Variants in CACNA1B observed in about 807,000 individuals in gnomAD.
The protein encoded by CACNA1B is voltage-dependent N-type calcium channel subunit alpha-1B.
In CACNA1B, 70 loss-of-function variants were observed where a neutral mutation model predicts 247.2. That is an observed-to-expected ratio of 0.28 (90% CI 0.23 to 0.35). The LOEUF is 0.35. CACNA1B is among the 10% of genes least tolerant of loss of function. CACNA1B has a pLI of 1.00. For missense variants in CACNA1B, 2,367 were observed against 3,197.4 expected (o/e 0.74, Z 6.26); for synonymous variants, 1,231 against 1,294.4 (o/e 0.95, Z 1.05).
chr9:138,088,959 C>CAAAAAAAAAAAAAAAAA, intron 36 of CACNA1B, among the ~76,000 whole-genome samples: 1 of 61,396 alleles, frequency 1.6e-5, no homozygotes, highest in Non-Finnish European at 3.4e-5. Context: ...AACTCCGTCT[C>CAAAAAAAAAAAAAAAAA]AAAAAAAAAA....
At chr9:138,034,449 G>GTTT (rs566090688) in intron 20 of CACNA1B, among the ~76,000 whole-genome samples, 2 of 135,186 alleles carry the variant, frequency 1.5e-5, no homozygotes, top group Non-Finnish European at 1.6e-5. Flanking sequence ...TAGGGTCATA[G>GTTT]TTTTTTTTTT....
At chr9:137,897,448 C>T (rs369810483) in intron 3 of CACNA1B, among the ~76,000 whole-genome samples, 135 of 152,016 alleles carry the variant, frequency 8.9e-4, no homozygotes, top group African/African-American at 3.1e-3. Context: ...GGCGTGGTGA[C>T]GGGCGCCTGT....
Position 137,879,360 on chromosome 9 carries a change from G to A in CACNA1B, c.390+201G>A, listed in dbSNP as rs75698978. Reference sequence around the variant, plus strand: ...TGGGGTCACCGGCTTAGCCCTGGGCGTGGCCACGTTAGCCCTGGGCCAGTC... The same window carrying A: ...TGGGGTCACCGGCTTAGCCCTGGGCATGGCCACGTTAGCCCTGGGCCAGTC... On this transcript the variant is annotated intron_variant, in intron 2 of 46. Transcript: ENST00000371372. Among the ~76,000 whole-genome samples, 889 of 152,376 alleles carry A rather than the reference G, an allele frequency of 5.8e-3. 8 individuals are homozygous for A. Among genetic ancestry groups the A allele is most frequent in the African/African-American group, 0.02 (832 of 41,588 alleles).
intron 25 of CACNA1B, 79 bp from the exon 26 acceptor site, chr9:138,053,767 C>G (rs1375172181): frequency 9.8e-7 from 1 of 1,020,572 alleles, no homozygotes; most frequent in African/African-American, 1.7e-5. Flanking sequence ...CTCCCCGTGA[C>G]CCTACCCTTC....
In CACNA1B at chr9:137,973,079, C is replaced by T. The variant is rs1378821452; in HGVS notation, c.1543+1487C>T. On this transcript the variant is annotated intron_variant, in intron 11 of 46. Coordinates refer to ENST00000371372, the MANE Select transcript of CACNA1B (RefSeq NM_000718.4). This position sits in a 1 kb window ranked among gnomAD's most constrained non-coding sequence, Gnocchi z 4.1. ...TTCCCCGTGAGAGGCTGTTGGTGTG[C>T]AGTGAGTCGGCAGGCAGTGGGGTAG... Among the ~76,000 whole-genome samples the T allele has an allele frequency of 6.6e-6, 1 of 152,212 alleles. No homozygotes were observed. Among genetic ancestry groups the T allele is most frequent in the East Asian group, 1.9e-4 (1 of 5,196 alleles).
intron 32 of CACNA1B, among the ~76,000 whole-genome samples, chr9:138,070,063 A>T (rs922793437): frequency 2.6e-5 from 4 of 152,118 alleles, no homozygotes; most frequent in Admixed American, 1.3e-4. Context: ...TGTCTAGGGT[A>T]GTTTTTCCTG....
Position 138,023,645 on chromosome 9 carries a change from G to A in CACNA1B, c.2902G>A (p.Glu968Lys). The change falls in exon 19 of 47, where the codon GAG becomes AAG. Residue 968 changes from glutamate (E) to lysine (K), a missense_variant. Physicochemically the swap from Glu to Lys is moderately conservative, Grantham distance 56. This residue lies in a region of CACNA1B where 631 missense variants were observed against 631.1 expected (regional missense o/e 1.00). Coordinates refer to ENST00000371372, the MANE Select transcript of CACNA1B (RefSeq NM_000718.4). ...CGGCGGCCCCCGAGCGGGGCCCCGG[G>A]AGGCGGAGAGCGGGGAGGAGCCGGC... is the stretch of plus-strand genomic sequence containing the variant. ...HRGGPRAGPR[E>K]AESGEEPARR... 1 of 1,416,470 alleles carries A rather than the reference G, an allele frequency of 7.1e-7. No individual in the cohort carries two copies. Among genetic ancestry groups the A allele is most frequent in the Non-Finnish European group, 9.3e-7 (1 of 1,078,216 alleles). The allele number at this position is 1,416,470 out of a possible 1,614,324, so 87.7% of individuals were successfully genotyped here.
Position 138,010,567 on chromosome 9 carries a change from G to C in CACNA1B, c.2160+490G>C, listed in dbSNP as rs1050871928. On this transcript the variant is annotated intron_variant, in intron 17 of 46. Coordinates refer to ENST00000371372, the MANE Select transcript of CACNA1B (RefSeq NM_000718.4). This position sits in a 1 kb window ranked among gnomAD's most constrained non-coding sequence, Gnocchi z 5.3. ...ATGCTCTCCCCAGCCCTGGACACTT[G>C]TAGTGTGGCCACCTGCCATCTCAGT... is the stretch of plus-strand genomic sequence containing the variant. Among the ~76,000 whole-genome samples, 2 of 152,296 alleles carry C rather than the reference G, an allele frequency of 1.3e-5. No homozygotes were observed. Among genetic ancestry groups the C allele is most frequent in the African/African-American group, 4.8e-5 (2 of 41,566 alleles).
intron 35 of CACNA1B, 29 bp from the exon 36 acceptor site, chr9:138,078,085 G>A (rs201131986): frequency 2.5e-6 from 4 of 1,609,344 alleles, no homozygotes; most frequent in East Asian, 4.5e-5. Flanking sequence ...GGGCCTCTGT[G>A]GGCCTCACAA....
intron 36 of CACNA1B, among the ~76,000 whole-genome samples, chr9:138,078,685 T>A (rs1160973355): frequency 6.6e-6 from 1 of 152,162 alleles, no homozygotes; most frequent in Non-Finnish European, 1.5e-5. Context: ...TCACAGCATC[T>A]GCTTGACGTT....
Position 138,059,805 on chromosome 9 carries a change from G to T in CACNA1B, c.4668+68G>T. The T allele has an allele frequency of 1.1e-6, 1 of 888,666 alleles. No individual in the cohort carries two copies. Among genetic ancestry groups the T allele is most frequent in the Non-Finnish European group, 1.9e-6 (1 of 524,060 alleles). 55.0% of individuals were successfully genotyped at this position (888,666 alleles called of 1,614,324 possible). ...TTCCTTCTAGAGCCTGCTCCCCTCAGTGCATCTCCAGGCCCTGTGTTAGCC... is the reference window on the plus strand; with the variant it reads ...TTCCTTCTAGAGCCTGCTCCCCTCATTGCATCTCCAGGCCCTGTGTTAGCC... On this transcript the variant is annotated intron_variant, in intron 31 of 46. Transcript: ENST00000371372. This position sits in a 1 kb window ranked among gnomAD's most constrained non-coding sequence, Gnocchi z 4.2.
Position 138,059,057 on chromosome 9 carries a change from A to C in CACNA1B, c.4474-22A>C. On this transcript the variant is annotated intron_variant, in intron 29 of 46. Transcript: ENST00000371372. This position sits in a 1 kb window ranked among gnomAD's most constrained non-coding sequence, Gnocchi z 4.2. ...CTTGGGGCTGCCAAACCCATGGCCAACAGTGCCTATTCCCCGGGCAGTTCT... is the reference window on the plus strand; with the variant it reads ...CTTGGGGCTGCCAAACCCATGGCCACCAGTGCCTATTCCCCGGGCAGTTCT... 4.7e-6 allele frequency: 7 copies of C among 1,478,818 alleles called. No homozygotes were observed. The highest frequency in any genetic ancestry group is 6.6e-6 in the Non-Finnish European group (7 of 1,059,172). 91.6% of individuals were successfully genotyped at this position (1,478,818 alleles called of 1,614,324 possible). A position where few individuals can be genotyped will look rare whatever the true frequency, so the allele number is the denominator to read the frequency against.
chr9:137,949,203 TCTG>T (rs1177445445), intron 6 of CACNA1B, among the ~76,000 whole-genome samples: 19 of 14,408 alleles, frequency 1.3e-3, no homozygotes, highest in African/African-American at 2.0e-3. Flanking sequence ...TGTATGTGTG[TCTG>T]GTATGTGTGG....
rs1213941005 is a variant in CACNA1B at position 137,957,377 on chromosome 9, GAA to G, written c.1244-219_1244-218del. On this transcript the variant is annotated intron_variant, in intron 9 of 46. Coordinates refer to ENST00000371372, the MANE Select transcript of CACNA1B (RefSeq NM_000718.4). The surrounding 1 kb of genome is among the most constrained non-coding windows in gnomAD (Gnocchi z 4.7). ...CACTGGCCTCATTTTGGAAGAAAGGGAAAGCGGGGACCCCTCACCCTCAAAAT... is the reference window on the plus strand; with the variant it reads ...CACTGGCCTCATTTTGGAAGAAAGGGAGCGGGGACCCCTCACCCTCAAAAT... Among the ~76,000 whole-genome samples the G allele has an allele frequency of 6.6e-6, 1 of 152,230 alleles. No individual in the cohort carries two copies. Among genetic ancestry groups the G allele is most frequent in the African/African-American group, 2.4e-5 (1 of 41,460 alleles).
intron 11 of CACNA1B, among the ~76,000 whole-genome samples, chr9:137,975,228 C>T (rs113736885): frequency 0.011 from 1,631 of 152,282 alleles, 10 homozygotes; most frequent in African/African-American, 0.013. Flanking sequence ...AGCCCCCCTC[C>T]ACTGCTGCTG....
chr9:137,941,675 G>T (rs1355642707), intron 6 of CACNA1B, among the ~76,000 whole-genome samples: 2 of 152,092 alleles, frequency 1.3e-5, no homozygotes. Context: ...TGACAGAATA[G>T]AGAACCCAGA....
intron 15 of CACNA1B, among the ~76,000 whole-genome samples, chr9:137,995,483 G>A (rs1958487784): frequency 6.6e-6 from 1 of 152,172 alleles, no homozygotes; most frequent in Admixed American, 6.5e-5. Flanking sequence ...CAAGCCACAG[G>A]TAGGAGAATG....
At position 137,880,076 on chromosome 9, in the gene CACNA1B, T is replaced by G. The variant is rs1444532283; in HGVS notation, c.390+917T>G. ...GCTCCCTCTTCCCTTAAGCCTGGCT[T>G]CCGCCCCCACTAGCATCCTGAGACA... On this transcript the variant is annotated intron_variant, in intron 2 of 46. Transcript: ENST00000371372. The surrounding 1 kb of genome is among the most constrained non-coding windows in gnomAD (Gnocchi z 4.8). Among the ~76,000 whole-genome samples the G allele has an allele frequency of 1.3e-5, 2 of 152,168 alleles. No individual in the cohort carries two copies. Among genetic ancestry groups the G allele is most frequent in the African/African-American group, 4.8e-5 (2 of 41,430 alleles).
chr9:137,904,735 G>T (rs1275104876), intron 3 of CACNA1B, among the ~76,000 whole-genome samples: 1 of 152,072 alleles, frequency 6.6e-6, no homozygotes. Context: ...TGCTGAGGCT[G>T]CTGGGAGATC....
Sources: allele counts gnomAD v4.1 joint callset (sites outside exome capture counted in the v4.1 genomes callset), GRCh38; gene constraint gnomAD v4.1.1; regional missense constraint gnomAD v4.1.1; non-coding constraint Gnocchi (gnomAD v3.1); transcripts MANE v1.5; gene names NCBI Gene and HGNC (gene_info 2026-07-23, HGNC 2026-07-21).